PSG7: variants seen among roughly 807,000 people sequenced by gnomAD.
PSG7 encodes the protein pregnancy-specific beta-1-glycoprotein 7.
A neutral mutation model predicts 45.6 loss-of-function variants in PSG7; 57 were observed. The ratio of observed to expected loss-of-function variants is 1.25; its 90% CI spans 1.01 to 1.56. The LOEUF (loss-of-function observed/expected upper bound fraction) is 1.56, where lower values mean the gene tolerates loss of function less well. PSG7 is among the 40% of genes most tolerant of loss of function. The pLI is 0.00. For synonymous variants in PSG7, 298 were observed against 194.4 expected (o/e 1.53, Z -4.43); for missense variants, 796 against 508.4 (o/e 1.57, Z -5.44).
rs770772314 is a variant in PSG7, at chr19:42,929,670, C to A, written c.481G>T (p.Ala161Ser). 76 of 1,612,292 alleles carry A rather than the reference C, an allele frequency of 4.7e-5. No individual in the cohort carries two copies. The highest frequency in any genetic ancestry group is 6.7e-5 in the Admixed American group (4 of 59,890). ...CAGGTTAAAATCACAGCCTCCGTGG[C>A]CTCCCTGGGGTTGAAATTGCTGCTG... ...ISSSNFNPRE[A>S]TEAVILTCDP... Residue 161 changes from alanine to serine, a missense_variant, in exon 3 of 6, where the codon GCC becomes TCC. Physicochemically the swap from Ala to Ser is moderately conservative, Grantham distance 99 (BLOSUM62 1). Coordinates refer to ENST00000406070, the MANE Select transcript of PSG7 (RefSeq NM_002783.3).
At chr19:42,934,300 C>G (rs192961692) in intron 2 of PSG7, among the ~76,000 whole-genome samples, 4 of 151,468 alleles carry the variant, frequency 2.6e-5, no homozygotes, top group African/African-American at 9.7e-5. Context: ...TCTCACTCCT[C>G]TGAGGTTTGG....
intron 2 of PSG7, among the ~76,000 whole-genome samples, chr19:42,929,989 C>T (rs1972984987): frequency 6.6e-6 from 1 of 151,582 alleles, no homozygotes; most frequent in South Asian, 2.1e-4. Flanking sequence ...GACCAGCAGT[C>T]ACAGCTTCTG....
At chr19:42,929,393 G>C in intron 3 of PSG7, 49 bp downstream of exon 3, 1 of 1,611,714 alleles carries the variant, frequency 6.2e-7, no homozygotes, top group Non-Finnish European at 8.5e-7. Context: ...CTCTGGCCAT[G>C]TGTATTTGGG....
chr19:42,926,139 A>T (rs1972882146), intron 4 of PSG7, 112 bp from the exon 5 acceptor site: 2 of 1,498,686 alleles, frequency 1.3e-6, no homozygotes, highest in African/African-American at 2.8e-5. Flanking sequence ...CTCAAGTGAC[A>T]GCCAAATCCC....
intron 2 of PSG7, 144 bp downstream of exon 2, chr19:42,935,260 T>A: frequency 6.9e-7 from 1 of 1,446,124 alleles, no homozygotes; most frequent in Non-Finnish European, 9.6e-7. Flanking sequence ...CCTCTGTGTG[T>A]TTCCTGCAAT....
intron 2 of PSG7, among the ~76,000 whole-genome samples, chr19:42,931,536 C>T (rs1973020150): frequency 6.6e-6 from 1 of 151,602 alleles, no homozygotes; most frequent in South Asian, 2.1e-4. Context: ...GACCCCAAAA[C>T]AGGTATGTGA....
At chr19:42,934,591 G>C (rs560344767) in intron 2 of PSG7, among the ~76,000 whole-genome samples, 2 of 151,772 alleles carry the variant, frequency 1.3e-5, no homozygotes, top group South Asian at 4.2e-4. Context: ...GACCTAATGC[G>C]TAGCACTGTG....
intron 2 of PSG7, among the ~76,000 whole-genome samples, chr19:42,934,007 C>G (rs1973092646): frequency 6.6e-6 from 1 of 151,454 alleles, no homozygotes; most frequent in Non-Finnish European, 1.5e-5. Context: ...TTGGATCAGT[C>G]ATTTCTGCAT....
rs772821940 is a variant in PSG7, at chr19:42,926,510, C to G, written c.916G>C (p.Gly306Arg). The change falls in exon 4 of 6, where the codon GGA becomes CGA. Residue 306 changes from glycine (G) to arginine (R), a missense_variant. Coordinates refer to ENST00000406070, the MANE Select transcript of PSG7 (RefSeq NM_002783.3). ...TCCCGTATTTCACATTGATAGGGTC[C>G]TGTTTCATTTCTCGTGACACTGGGT... Reference protein sequence around the residue: ...ILPSVTRNETGPYQCEIRDRY... With the variant: ...ILPSVTRNETRPYQCEIRDRY... The G allele has an allele frequency of 9.3e-6, 15 of 1,611,176 alleles. 3 individuals are homozygous for G. In the South Asian group the frequency reaches 1.3e-4, roughly 14 times the overall value.
At position 42,929,593 on chromosome 19, in the gene PSG7, G is replaced by A. The variant is rs1972971613; in HGVS notation, c.558C>T (p.Ser186=). 1 of 1,612,494 alleles carries A rather than the reference G, an allele frequency of 6.2e-7. No individual in the cohort carries two copies. Among genetic ancestry groups the A allele is most frequent in the South Asian group, 1.1e-5 (1 of 90,848 alleles). The change falls in exon 3 of 6, where the codon AGC becomes AGT. Residue 186 remains serine (S), a synonymous_variant. Transcript: ENST00000406070. ...ASYLWWMNGQ[S]LPMTHSLQLS... is the part of the protein sequence containing the mutation. Reference sequence around the variant, plus strand: ...GCTGCAAGCTGTGAGTCATAGGGAGGCTCTGACCATTCATCCACCACAGGT... The same window carrying A: ...GCTGCAAGCTGTGAGTCATAGGGAGACTCTGACCATTCATCCACCACAGGT...
intron 4 of PSG7, 21 bp downstream of exon 4, chr19:42,926,417 A>G: frequency 6.2e-7 from 1 of 1,610,146 alleles, no homozygotes; most frequent in East Asian, 2.2e-5. Context: ...AGAGGAAGAA[A>G]GGATACTCAA....
At chr19:42,936,885 G>A in intron 1 of PSG7, 128 bp downstream of exon 1, 4 of 1,395,134 alleles carry the variant, frequency 2.9e-6, no homozygotes, top group Non-Finnish European at 3.0e-6. Flanking sequence ...CTGATCTCTT[G>A]ATCCACCCAC....
intron 3 of PSG7, chr19:42,927,592 G>A (rs953912349): frequency 6.6e-5 from 10 of 151,606 alleles, no homozygotes; most frequent in African/African-American, 2.2e-4. Flanking sequence ...TGGTCCTCAT[G>A]GACCATGTGT....
chr19:42,932,425 G>A (rs1600569851), intron 2 of PSG7, among the ~76,000 whole-genome samples: 1 of 151,634 alleles, frequency 6.6e-6, no homozygotes, highest in Non-Finnish European at 1.5e-5. Context: ...CTGACAGAAA[G>A]CCAGAAGTCT....
In PSG7 at chr19:42,926,712, C is replaced by T. The variant is rs1173588991; in HGVS notation, c.714G>A (p.Lys238=). Residue 238 remains lysine, a synonymous_variant, in exon 4 of 6, where the codon AAG becomes AAA. Coordinates refer to ENST00000406070, the MANE Select transcript of PSG7 (RefSeq NM_002783.3). ...SDPVTLNLLP[K]LPKPYITINN... The stretch of plus-strand genomic sequence containing the variant: ...TGATGGTGATGTAGGGCTTGGGCAG[C>T]TTCGCTGTGTGAATAACAGAGAGAA... The T allele has an allele frequency of 1.2e-6, 2 of 1,610,248 alleles. No homozygotes were observed. Among genetic ancestry groups the T allele is most frequent in the Non-Finnish European group, 1.7e-6 (2 of 1,178,842 alleles).
In PSG7 at chr19:42,929,522, T is replaced by C. The variant is rs374257967; in HGVS notation, c.629A>G (p.Tyr210Cys). Reference protein sequence around the residue: ...RTLYLFGVTNYTAGPYECEIR... With the variant: ...RTLYLFGVTNCTAGPYECEIR... ...TTCACATTCATAGGGTCCTGCAGTA[T>C]AGTTTGTGACACCAAATAGGTAGAG... Residue 210 changes from tyrosine to cysteine, a missense_variant, in exon 3 of 6, where the codon TAT becomes TGT. Transcript: ENST00000406070. 533 of 1,612,558 alleles carry C rather than the reference T, an allele frequency of 3.3e-4. 16 individuals are homozygous for C. Among genetic ancestry groups the C allele is most frequent in the Non-Finnish European group, 4.2e-4 (497 of 1,179,232 alleles).
At chr19:42,936,891 C>T in intron 1 of PSG7, 122 bp downstream of exon 1, 2 of 1,431,852 alleles carry the variant, frequency 1.4e-6, no homozygotes, top group Non-Finnish European at 1.9e-6. Context: ...TCTTGATCCA[C>T]CCACCTCAGC....
intron 5 of PSG7, chr19:42,925,048 G>A (rs1223322347): frequency 1.8e-6 from 1 of 556,642 alleles, no homozygotes; most frequent in South Asian, 2.7e-5. Context: ...GACTATGTAG[G>A]CTCTCTTTTA....
intron 1 of PSG7, chr19:42,936,590 C>G (rs1973156803): frequency 5.6e-6 from 1 of 178,608 alleles, no homozygotes; most frequent in African/African-American, 2.4e-5. Flanking sequence ...CCCTGTCCCT[C>G]TCTGGTGTAT....
Sources: allele counts gnomAD v4.1 joint callset (sites outside exome capture counted in the v4.1 genomes callset), GRCh38; gene constraint gnomAD v4.1.1; transcripts MANE v1.5; gene names NCBI Gene and HGNC (gene_info 2026-07-23, HGNC 2026-07-21).